Variants in RASGRF2 observed in about 807,000 individuals in gnomAD.
RASGRF2 encodes the protein ras-specific guanine nucleotide-releasing factor 2.
In RASGRF2, 76 loss-of-function variants were observed where a neutral mutation model predicts 151.0. The ratio of observed to expected loss-of-function variants is 0.50; its 90% CI spans 0.42 to 0.61. The LOEUF (loss-of-function observed/expected upper bound fraction) is 0.61, where lower values mean the gene tolerates loss of function less well. Among genes scored for constraint, RASGRF2 ranks in the 20% least tolerant of loss-of-function variants. The pLI, the probability that RASGRF2 is intolerant of heterozygous loss-of-function variation, is 0.00. For missense variants in RASGRF2, 1,148 were observed against 1,564.6 expected (o/e 0.73, Z 4.49); for synonymous variants, 504 against 566.5 (o/e 0.89, Z 1.57).
chr5:80,995,693 C>CCCT (rs58481061), intron 1 of RASGRF2, among the ~76,000 whole-genome samples: 95 of 97,332 alleles, frequency 9.8e-4, no homozygotes, highest in African/African-American at 1.2e-3. Flanking sequence ...TTCCCCCCCC[C>CCCT]TTTTTTTTTT....
chr5:81,162,113 A>G (rs1754398408), intron 17 of RASGRF2, among the ~76,000 whole-genome samples: 1 of 145,554 alleles, frequency 6.9e-6, no homozygotes, highest in Non-Finnish European at 1.5e-5. Flanking sequence ...TTACTGAGGA[A>G]GGTACTCAGA....
rs1286625993 is a variant in RASGRF2, at chr5:81,011,262, T to C, written c.289-31615T>C. Among the ~76,000 whole-genome samples the C allele has an allele frequency of 3.3e-5, 5 of 152,324 alleles. No individual in the cohort carries two copies. The East Asian group carries it at 9.6e-4, about 29-fold the overall frequency. ...TTATTGCCTGTCCTATTTATGTTGG[T>C]ACATGTAGATCTAACTCATTCTTTG... On this transcript the variant is annotated intron_variant, in intron 1 of 26. Transcript: ENST00000265080.
chr5:81,203,240 G>T (rs1317544182), intron 19 of RASGRF2, among the ~76,000 whole-genome samples: 1 of 152,158 alleles, frequency 6.6e-6, no homozygotes, highest in Non-Finnish European at 1.5e-5. Context: ...TTAAAAACTA[G>T]ATTCAGGAAG....
intron 2 of RASGRF2, among the ~76,000 whole-genome samples, chr5:81,051,384 C>T (rs913288772): frequency 6.6e-6 from 1 of 152,044 alleles, no homozygotes; most frequent in East Asian, 1.9e-4. Context: ...TAATTCAGTG[C>T]TTTTCTAGTA....
chr5:81,105,427 T>C (rs1752820187), intron 12 of RASGRF2, among the ~76,000 whole-genome samples: 2 of 152,142 alleles, frequency 1.3e-5, no homozygotes. Flanking sequence ...TTGTCTGGGC[T>C]CCACTTAAAC....
In RASGRF2 at chr5:81,013,108, C is replaced by G. The variant is rs146485118; in HGVS notation, c.289-29769C>G. On this transcript the variant is annotated intron_variant, in intron 1 of 26. Coordinates refer to ENST00000265080, the MANE Select transcript of RASGRF2 (RefSeq NM_006909.3). ...ACACTCTATATTCTGTTATTTTCCT[C>G]TGAAGAGTGTTCATTTTAACTCTAG... 2.6e-5 allele frequency among the ~76,000 whole-genome samples: 4 copies of G among 152,336 alleles called. No individual in the cohort carries two copies. In the East Asian group the frequency reaches 7.7e-4, roughly 29 times the overall value.
chr5:81,217,277 A>G, intron 24 of RASGRF2, 79 bp from the exon 25 acceptor site: 1 of 1,507,582 alleles, frequency 6.6e-7, no homozygotes, highest in Admixed American at 2.4e-5. Flanking sequence ...GGATACTTTA[A>G]TCCTCCTTTG....
intron 18 of RASGRF2, among the ~76,000 whole-genome samples, chr5:81,190,491 T>C (rs1223624451): frequency 1.3e-5 from 2 of 152,244 alleles, no homozygotes; most frequent in East Asian, 1.9e-4. Context: ...GGCAAAATTA[T>C]CTGTGTGAAG....
At chr5:81,187,661 C>T (rs926688474) in intron 18 of RASGRF2, among the ~76,000 whole-genome samples, 4 of 152,178 alleles carry the variant, frequency 2.6e-5, no homozygotes, top group Non-Finnish European at 4.4e-5. Context: ...GGTTTTGGGG[C>T]TGCAGTCCCA....
chr5:81,102,466 G>A (rs1208228568), intron 12 of RASGRF2, among the ~76,000 whole-genome samples: 1 of 152,116 alleles, frequency 6.6e-6, no homozygotes, highest in Non-Finnish European at 1.5e-5. Context: ...AGGCCAAGGC[G>A]GGTGGATCAC....
chr5:81,066,232 C>T (rs1751598455), intron 2 of RASGRF2, among the ~76,000 whole-genome samples: 1 of 152,062 alleles, frequency 6.6e-6, no homozygotes, highest in Admixed American at 6.6e-5. Flanking sequence ...CCCTTCCTGT[C>T]ACTTGTAATT....
chr5:80,987,154 A>G (rs73766146), intron 1 of RASGRF2, among the ~76,000 whole-genome samples: 2,342 of 152,234 alleles, frequency 0.015, 65 homozygotes, highest in African/African-American at 0.054. Context: ...CATAGTACTT[A>G]CTAACTCTTT....
chr5:81,094,351 G>A lies in RASGRF2; in HGVS notation c.1607G>A (p.Ser536Asn). The change falls in exon 11 of 27, where the codon AGC (serine) becomes AAC (asparagine). Residue 536 changes from serine (S) to asparagine (N), a missense_variant. Ser to Asn is a conservative substitution (Grantham distance 46). This residue lies in a region of RASGRF2 where 646 missense variants were observed against 807.4 expected (regional missense o/e 0.80). Coordinates refer to ENST00000265080, the MANE Select transcript of RASGRF2 (RefSeq NM_006909.3). Reference sequence around the variant, plus strand: ...ACATTGATTGAGGAGCCAGATGCAAGCGATGATGACTGTAAGTCACCTTCG... The same window carrying A: ...ACATTGATTGAGGAGCCAGATGCAAACGATGATGACTGTAAGTCACCTTCG... ...DCTLIEEPDA[S>N]DDDSKGSGQV... 6.2e-7 allele frequency: 1 copy of A among 1,612,852 alleles called. No homozygotes were observed. The highest frequency in any genetic ancestry group is 8.5e-7 in the Non-Finnish European group (1 of 1,179,572).
At chr5:81,052,336 C>T (rs908752319) in intron 2 of RASGRF2, among the ~76,000 whole-genome samples, 3 of 151,964 alleles carry the variant, frequency 2.0e-5, no homozygotes, top group East Asian at 3.9e-4. Flanking sequence ...AATATTTTGC[C>T]TGCTTTTATA....
intron 1 of RASGRF2, among the ~76,000 whole-genome samples, chr5:81,016,759 A>G (rs1327241767): frequency 5.9e-5 from 9 of 152,210 alleles, no homozygotes; most frequent in Admixed American, 5.9e-4. Flanking sequence ...GGATTTTATG[A>G]AGGCTAATGC....
intron 17 of RASGRF2, among the ~76,000 whole-genome samples, chr5:81,171,751 G>C (rs1473414477): frequency 6.6e-6 from 1 of 152,110 alleles, no homozygotes; most frequent in Non-Finnish European, 1.5e-5. Context: ...CAAACATGTT[G>C]TCACCTTTCT....
At chr5:81,116,747 G>A (rs1351366677) in intron 15 of RASGRF2, among the ~76,000 whole-genome samples, 4 of 152,122 alleles carry the variant, frequency 2.6e-5, no homozygotes, top group African/African-American at 9.7e-5. Flanking sequence ...AGATTTGACT[G>A]CTTTAAGTTT....
intron 9 of RASGRF2, among the ~76,000 whole-genome samples, chr5:81,091,118 G>A (rs1284765468): frequency 3.9e-5 from 6 of 152,248 alleles, no homozygotes; most frequent in Admixed American, 2.0e-4. Context: ...GACCTTAGGC[G>A]AGCTACTTGG....
At position 81,138,546 on chromosome 5, in the gene RASGRF2, G is replaced by A. The variant is rs147088011; in HGVS notation, c.2686+11383G>A. 2.5e-3 allele frequency among the ~76,000 whole-genome samples: 387 copies of A among 152,250 alleles called. 1 individual carries two copies. Among genetic ancestry groups the A allele is most frequent in the African/African-American group, 8.9e-3 (371 of 41,540 alleles). On this transcript the variant is annotated intron_variant, in intron 17 of 26. Coordinates refer to ENST00000265080, the MANE Select transcript of RASGRF2 (RefSeq NM_006909.3). ...AGAGCCATGAAGAGATCTTTCTCCG[G>A]TGTTTACTGGGAGGACTTGGTGTGA... is the stretch of plus-strand genomic sequence containing the variant.
Sources: allele counts gnomAD v4.1 joint callset (sites outside exome capture counted in the v4.1 genomes callset), GRCh38; gene constraint gnomAD v4.1.1; regional missense constraint gnomAD v4.1.1; transcripts MANE v1.5; gene names NCBI Gene and HGNC (gene_info 2026-07-23, HGNC 2026-07-21).